SEMA6D: variants seen among roughly 807,000 people sequenced by gnomAD.
SEMA6D encodes semaphorin-6D.
A neutral mutation model predicts 106.6 loss-of-function variants in SEMA6D; 35 were observed. The observed-to-expected ratio is 0.33, with a 90% CI of 0.25 to 0.44. SEMA6D has a LOEUF of 0.44. SEMA6D is among the 20% of genes least tolerant of loss of function. SEMA6D has a pLI of 1.00. For synonymous variants in SEMA6D, 499 were observed against 487.7 expected (o/e 1.02, Z -0.31); for missense variants, 1,185 against 1,345.9 (o/e 0.88, Z 1.87).
At chr15:47,261,245 A>G (rs746657257) in intron 1 of SEMA6D, among the ~76,000 whole-genome samples, 11 of 152,146 alleles carry the variant, frequency 7.2e-5, no homozygotes, top group African/African-American at 2.7e-4. Flanking sequence ...TTAAAAACCA[A>G]GATAGAAGGA....
In SEMA6D at chr15:47,377,950, T is replaced by C. The variant is rs181993612; in HGVS notation, c.-238-34443T>C. 3.6e-3 allele frequency among the ~76,000 whole-genome samples: 550 copies of C among 152,306 alleles called. 3 individuals are homozygous for C. The highest frequency in any genetic ancestry group is 4.2e-3 in the Non-Finnish European group (284 of 68,028). ...TATATTAAAGTTTTTAGGTGAAAGT[T>C]TATACCACCTGGTCCCTTTCCATTG... On this transcript the variant is annotated intron_variant, in intron 1 of 19. Transcript: ENST00000558014.
intron 1 of SEMA6D, among the ~76,000 whole-genome samples, chr15:47,725,563 C>A (rs1231853112): frequency 6.6e-6 from 1 of 151,920 alleles, no homozygotes; most frequent in African/African-American, 2.4e-5. Flanking sequence ...CTCACCTTCC[C>A]CCTTGGTCCT....
chr15:47,468,739 G>A (rs2042736729), intron 2 of SEMA6D, among the ~76,000 whole-genome samples: 1 of 152,126 alleles, frequency 6.6e-6, no homozygotes, highest in South Asian at 2.1e-4. Flanking sequence ...AGCACAGATT[G>A]AATTGTTAAT....
At chr15:47,761,137 G>C (rs599111) in intron 4 of SEMA6D, 21 bp from the exon 5 acceptor site, 2 of 1,612,800 alleles carry the variant, frequency 1.2e-6, no homozygotes, top group Non-Finnish European at 1.7e-6. Context: ...AAACTGCTTT[G>C]GTTTTGCTTG....
At chr15:47,255,301 C>T (rs1193677343) in intron 1 of SEMA6D, among the ~76,000 whole-genome samples, 2 of 151,828 alleles carry the variant, frequency 1.3e-5, no homozygotes, top group East Asian at 3.9e-4. Context: ...TCCTTTTTCA[C>T]CTTTAATTTT....
chr15:47,618,292 A>G (rs1005146627), intron 4 of SEMA6D, among the ~76,000 whole-genome samples: 2 of 152,238 alleles, frequency 1.3e-5, no homozygotes, highest in African/African-American at 4.8e-5. Context: ...TTGAAAAACC[A>G]TACAATCCGA....
rs1440548614 is a variant in SEMA6D at position 47,619,320 on chromosome 15, CA to C, written c.-55+18426del. Among the ~76,000 whole-genome samples, 5 of 152,294 alleles carry C rather than the reference CA, an allele frequency of 3.3e-5. No individual in the cohort carries two copies. The East Asian group carries it at 7.7e-4, about 24-fold the overall frequency. ...CTTCAAACCTTTAGTTAAAGCAACGCAAGAGGGTGGGGTTCTCCACACCCAT... is the reference window on the plus strand; with the variant it reads ...CTTCAAACCTTTAGTTAAAGCAACGCAGAGGGTGGGGTTCTCCACACCCAT... On this transcript the variant is annotated intron_variant, in intron 4 of 19. Transcript: ENST00000558014.
intron 4 of SEMA6D, among the ~76,000 whole-genome samples, chr15:47,609,846 C>G (rs1031787103): frequency 6.6e-6 from 1 of 152,166 alleles, no homozygotes; most frequent in Non-Finnish European, 1.5e-5. Context: ...CTTGAGGCTC[C>G]ACCAGGAAGG....
chr15:47,336,252 T>C (rs941899712), intron 1 of SEMA6D, among the ~76,000 whole-genome samples: 13 of 152,170 alleles, frequency 8.5e-5, no homozygotes, highest in African/African-American at 3.1e-4. Context: ...GGTAACTGAT[T>C]GGGGGATGTT....
chr15:47,568,259 A>G (rs2046286461), intron 3 of SEMA6D, among the ~76,000 whole-genome samples: 1 of 151,748 alleles, frequency 6.6e-6, no homozygotes, highest in Non-Finnish European at 1.5e-5. Flanking sequence ...TGTTTCCTCT[A>G]TAGAAACTAT....
intron 1 of SEMA6D, among the ~76,000 whole-genome samples, chr15:47,235,508 T>G (rs2032482305): frequency 1.3e-5 from 2 of 151,988 alleles, no homozygotes; most frequent in African/African-American, 4.8e-5. Flanking sequence ...TTATAGGTAG[T>G]TAGAGATCAG....
intron 2 of SEMA6D, among the ~76,000 whole-genome samples, chr15:47,442,003 C>T (rs1004290565): frequency 1.3e-5 from 2 of 152,076 alleles, no homozygotes; most frequent in East Asian, 1.9e-4. Context: ...AAGTTTACCA[C>T]ACCTCCTTCA....
upstream of SEMA6D, among the ~76,000 whole-genome samples, chr15:47,716,031 A>G (rs1226922231): frequency 6.6e-6 from 1 of 152,216 alleles, no homozygotes; most frequent in Non-Finnish European, 1.5e-5. Flanking sequence ...CTGACTGCCA[A>G]GTAACTTGCA....
At chr15:47,710,190 A>G (rs2146057044) in intron 4 of SEMA6D, among the ~76,000 whole-genome samples, 1 of 152,344 alleles carries the variant, frequency 6.6e-6, no homozygotes, top group Middle Eastern at 3.4e-3. Context: ...ATTTATTTCC[A>G]TCAATTATAA....
At chr15:47,619,088 C>T (rs892565772) in intron 4 of SEMA6D, among the ~76,000 whole-genome samples, 15 of 152,176 alleles carry the variant, frequency 9.9e-5, no homozygotes, top group African/African-American at 3.6e-4. Context: ...CAAGCACAGG[C>T]AGTTGTGCAG....
chr15:47,338,157 C>A (rs374169442), intron 1 of SEMA6D, among the ~76,000 whole-genome samples: 9 of 152,126 alleles, frequency 5.9e-5, no homozygotes, highest in East Asian at 3.9e-4. Flanking sequence ...ATTAAAATGT[C>A]CCTTCCAAAG....
intron 4 of SEMA6D, among the ~76,000 whole-genome samples, chr15:47,630,822 T>C (rs2077280428): frequency 6.6e-6 from 1 of 151,890 alleles, no homozygotes; most frequent in Non-Finnish European, 1.5e-5. Context: ...ATTAGACTTA[T>C]TAAATGTTTC....
At chr15:47,558,260 A>G (rs1596315858) in intron 3 of SEMA6D, among the ~76,000 whole-genome samples, 1 of 152,260 alleles carries the variant, frequency 6.6e-6, no homozygotes, top group South Asian at 2.1e-4. Context: ...AGCTTTATTC[A>G]TTAATTCATT....
At chr15:47,323,820 C>T (rs989335168) in intron 1 of SEMA6D, among the ~76,000 whole-genome samples, 1 of 152,092 alleles carries the variant, frequency 6.6e-6, no homozygotes, top group Non-Finnish European at 1.5e-5. Flanking sequence ...AATAATTAAC[C>T]TGTTTCTATT....
Sources: gnomAD v4.1 joint callset for allele counts (sites outside exome capture counted in the v4.1 genomes callset) on GRCh38, gnomAD v4.1.1 for gene constraint, MANE v1.5 for transcripts, NCBI Gene and HGNC (gene_info 2026-07-23, HGNC 2026-07-21) for gene names.